The following OPHN1 variants were observed in gnomAD, a reference collection of about 807,000 sequenced individuals.
OPHN1 encodes the protein oligophrenin-1.
In OPHN1, 11 loss-of-function variants were observed where a neutral mutation model predicts 60.7. That is an observed-to-expected ratio of 0.18 (90% CI 0.11 to 0.30). OPHN1 has a LOEUF of 0.30. Among genes scored for constraint, OPHN1 ranks in the 10% least tolerant of loss-of-function variants. The pLI is 1.00. For synonymous variants in OPHN1, 226 were observed against 222.6 expected (o/e 1.02, Z -0.14); for missense variants, 449 against 611.0 (o/e 0.73, Z 2.80).
intron 10 of OPHN1, among the ~76,000 whole-genome samples, chrX:68,203,719 T>C (rs2077545747): frequency 8.9e-6 from 1 of 111,972 alleles, no homozygotes; most frequent in African/African-American, 3.2e-5. Flanking sequence ...AATGCAAAAG[T>C]ACTCTTATTT....
intron 2 of OPHN1, among the ~76,000 whole-genome samples, chrX:68,415,363 G>A (rs1006918642): frequency 9.0e-6 from 1 of 111,714 alleles, no homozygotes; most frequent in Non-Finnish European, 1.9e-5. Flanking sequence ...CAATCAGAAG[G>A]AATTAAGAGT....
At position 68,131,765 on chromosome X, in the gene OPHN1, C is replaced by T. The variant is rs1008681465; in HGVS notation, c.1277-12433G>A. On this transcript the variant is annotated intron_variant, in intron 15 of 24. Transcript: ENST00000355520. ...CAGATATATATCATATTTTATGTCCCGGTAATAGAGACTATACTTCTCAGT... is the reference window on the plus strand; with the variant it reads ...CAGATATATATCATATTTTATGTCCTGGTAATAGAGACTATACTTCTCAGT... Among the ~76,000 whole-genome samples the T allele has an allele frequency of 3.6e-5, 4 of 111,375 alleles. No individual in the cohort carries two copies. The South Asian group carries it at 1.1e-3, about 31-fold the overall frequency.
intron 15 of OPHN1, among the ~76,000 whole-genome samples, chrX:68,120,808 A>C (rs190998152): frequency 3.0e-3 from 333 of 112,211 alleles, no homozygotes; most frequent in African/African-American, 0.01. Context: ...ATCAACCAAT[A>C]GTACAGAACA....
chrX:68,250,512 C>T (rs1021252809), intron 5 of OPHN1, among the ~76,000 whole-genome samples: 1 of 111,374 alleles, frequency 9.0e-6, no homozygotes, highest in Admixed American at 9.6e-5. Context: ...TGCCACGTGG[C>T]TAAAGGCGTG....
intron 5 of OPHN1, among the ~76,000 whole-genome samples, chrX:68,259,134 A>G (rs1025957447): frequency 2.7e-5 from 3 of 111,579 alleles, no homozygotes; most frequent in Admixed American, 9.6e-5. Context: ...GCACTCACAT[A>G]AAAAATGGAA....
chrX:68,065,921 A>G (rs996338665), intron 20 of OPHN1, among the ~76,000 whole-genome samples: 13 of 112,438 alleles, frequency 1.2e-4, no homozygotes, highest in Admixed American at 2.8e-4. Flanking sequence ...TGCCACTGCC[A>G]AAGGGGCCGG....
chrX:68,151,723 G>A (rs781514426), intron 15 of OPHN1, among the ~76,000 whole-genome samples: 15 of 111,713 alleles, frequency 1.3e-4, no homozygotes, highest in Admixed American at 4.8e-4. Flanking sequence ...CCCTTGAAAC[G>A]GTTATTTCAA....
intron 2 of OPHN1, among the ~76,000 whole-genome samples, chrX:68,343,581 CATGTATGGTATGTGA>C (rs2078365426): frequency 9.1e-6 from 1 of 109,724 alleles, no homozygotes; most frequent in Non-Finnish European, 1.9e-5. Flanking sequence ...AAACCAATGA[CATGTATGGTATGTGA>C]ATTATATCTC....
rs182538797 is a variant in OPHN1, at chrX:68,212,278, T to C, written c.598-66A>G. On this transcript the variant is annotated intron_variant, in intron 7 of 24. Transcript: ENST00000355520. ...TCTAATAAACTAAATAAAAGAAACA[T>C]GAACTCACCAAAAAACTCCATGGTG... 1.2e-3 allele frequency: 960 copies of C among 790,509 alleles called. 5 individuals carry two copies. In the South Asian group the frequency reaches 0.019, roughly 16 times the overall value. 65.1% of individuals were successfully genotyped at this position (790,509 alleles called of 1,213,427 possible).
chrX:68,279,193 C>T (rs1463628579), intron 4 of OPHN1, among the ~76,000 whole-genome samples: 4 of 92,805 alleles, frequency 4.3e-5, no homozygotes, highest in East Asian at 7.4e-4. Context: ...CTCACTGCAG[C>T]CTTGACCTCC....
intron 2 of OPHN1, among the ~76,000 whole-genome samples, chrX:68,335,198 C>T (rs776390544): frequency 2.8e-5 from 3 of 107,569 alleles, no homozygotes; most frequent in South Asian, 8.3e-4. Flanking sequence ...GGGTGCTCAA[C>T]GAAGATACGT....
At chrX:68,254,876 G>A (rs1751633290) in intron 5 of OPHN1, among the ~76,000 whole-genome samples, 1 of 109,504 alleles carries the variant, frequency 9.1e-6, no homozygotes, top group African/African-American at 3.3e-5. Flanking sequence ...AAATTAGCCA[G>A]GCGTGGTGGC....
chrX:68,165,291 CGACATGCCTTCCTCATTAAGCTTAAT>C (rs1372999239), intron 15 of OPHN1, among the ~76,000 whole-genome samples: 3 of 111,927 alleles, frequency 2.7e-5, no homozygotes, highest in Non-Finnish European at 5.6e-5. Flanking sequence ...TCTCAGCTTT[CGACATGCCTTCCTCATTAAGCTTAAT>C]CATTTTTAGC....
intron 22 of OPHN1, among the ~76,000 whole-genome samples, chrX:68,053,134 G>A (rs908638830): frequency 2.7e-5 from 3 of 111,234 alleles, no homozygotes; most frequent in African/African-American, 6.5e-5. Flanking sequence ...CTTGGCTTGC[G>A]GCCCAGCCTC....
chrX:68,375,540 T>C (rs1302917030), intron 2 of OPHN1, among the ~76,000 whole-genome samples: 1 of 111,210 alleles, frequency 9.0e-6, no homozygotes, highest in Admixed American at 9.6e-5. Flanking sequence ...AGAGCTAACA[T>C]TTACAGAGTG....
chrX:68,410,946 A>C (rs2078766177), intron 2 of OPHN1, among the ~76,000 whole-genome samples: 1 of 112,119 alleles, frequency 8.9e-6, no homozygotes, highest in Non-Finnish European at 1.9e-5. Flanking sequence ...AGCCGTAAAA[A>C]GAAATGAAAT....
At chrX:68,349,422 G>T in intron 2 of OPHN1, among the ~76,000 whole-genome samples, 1 of 111,789 alleles carries the variant, frequency 8.9e-6, no homozygotes. Flanking sequence ...ATGCTGGAGA[G>T]GTTGTGGAAA....
intron 2 of OPHN1, among the ~76,000 whole-genome samples, chrX:68,404,588 C>G (rs766608941): frequency 4.1e-4 from 46 of 111,564 alleles, no homozygotes; most frequent in African/African-American, 1.4e-3. Context: ...TCACAATAGC[C>G]AAGAGTTGGA....
At chrX:68,330,085 CTTCTTT>C (rs1234180301) in intron 2 of OPHN1, among the ~76,000 whole-genome samples, 6 of 110,107 alleles carry the variant, frequency 5.4e-5, no homozygotes, top group Non-Finnish European at 9.5e-5. Flanking sequence ...CTTTTCCTTT[CTTCTTT>C]TTCTTTTTTT....
Sources: gnomAD v4.1 joint callset for allele counts (sites outside exome capture counted in the v4.1 genomes callset) on GRCh38, gnomAD v4.1.1 for gene constraint, MANE v1.5 for transcripts, NCBI Gene and HGNC (gene_info 2026-07-23, HGNC 2026-07-21) for gene names.